Variants in WIPF1 observed in about 807,000 individuals in gnomAD.
WIPF1 encodes WAS/WASL-interacting protein family member 1.
WIPF1 carries 13 observed loss-of-function variants against 35.4 expected under a neutral mutation model. The observed-to-expected ratio is 0.37, with a 90% confidence interval of 0.24 to 0.58. The LOEUF (loss-of-function observed/expected upper bound fraction) is 0.58. Ranked by LOEUF, WIPF1 falls within the 20% of genes least tolerant of loss-of-function variation. The probability of loss-of-function intolerance (pLI) is 0.74; values close to 1 mark genes in which losing one functional copy is unlikely to be tolerated. For missense variants in WIPF1, 591 were observed against 667.0 expected (o/e 0.89, Z 1.25); for synonymous variants, 267 against 266.3 (o/e 1.00, Z -0.02).
chr2:174,562,650 T>C, intron 7 of WIPF1, 48 bp from the exon 8 acceptor site: 1 of 1,607,528 alleles, frequency 6.2e-7, no homozygotes, highest in Non-Finnish European at 8.5e-7. Context: ...AAAGCTGATG[T>C]TCTCATCGTG....
At chr2:174,654,561 C>A (rs1340724104) in intron 1 of WIPF1, among the ~76,000 whole-genome samples, 3 of 151,198 alleles carry the variant, frequency 2.0e-5, no homozygotes, top group Admixed American at 2.0e-4. Context: ...TGCTACAGGC[C>A]ATAGCTTGTG....
At chr2:174,592,682 T>G (rs916939386) in intron 1 of WIPF1, among the ~76,000 whole-genome samples, 9 of 151,220 alleles carry the variant, frequency 6.0e-5, no homozygotes, top group African/African-American at 2.2e-4. Context: ...CTTGGCTCAC[T>G]GCAACCTCCA....
Position 174,567,203 on chromosome 2 carries a change from G to GT in WIPF1, c.1343-21dup. On this transcript the variant is annotated intron_variant, in intron 6 of 7. Coordinates refer to ENST00000679041, the MANE Select transcript of WIPF1 (RefSeq NM_001375834.1). ...ACTCATCTGGGAAGAGAAACAAGCA[G>GT]TATCTTCAGTGACAGACAATGTGCT... 1 of 1,602,278 alleles carries GT rather than the reference G, an allele frequency of 6.2e-7. No individual in the cohort carries two copies. Among genetic ancestry groups the GT allele is most frequent in the Non-Finnish European group, 8.6e-7 (1 of 1,169,288 alleles).
chr2:174,627,421 C>A (rs1036280673), intron 1 of WIPF1, among the ~76,000 whole-genome samples: 1 of 151,342 alleles, frequency 6.6e-6, no homozygotes, highest in East Asian at 1.9e-4. Flanking sequence ...TTTCTTCTTT[C>A]CTTCTTTCTT....
chr2:174,604,582 G>GAA (rs59992744), intron 1 of WIPF1, among the ~76,000 whole-genome samples: 168 of 151,524 alleles, frequency 1.1e-3, no homozygotes, highest in African/African-American at 3.8e-3. Context: ...TAAAATAGTG[G>GAA]AAAAAAAACT....
intron 7 of WIPF1, among the ~76,000 whole-genome samples, chr2:174,563,943 A>G (rs564496016): frequency 2.6e-5 from 4 of 152,236 alleles, no homozygotes; most frequent in East Asian, 1.9e-4. Flanking sequence ...CACCATCCCA[A>G]CCAAATATTT....
At chr2:174,617,875 C>G (rs1316414743) in intron 1 of WIPF1, among the ~76,000 whole-genome samples, 2 of 152,188 alleles carry the variant, frequency 1.3e-5, no homozygotes. Context: ...GCAATGTGAC[C>G]TGATGCAGAG....
At position 174,581,583 on chromosome 2, in the gene WIPF1, C is replaced by G. The variant is rs143328909; in HGVS notation, c.52-144G>C. The G allele has an allele frequency of 6.7e-5, 66 of 980,024 alleles. 2 individuals carry two copies. In the African/African-American group the frequency reaches 9.1e-4, roughly 13 times the overall value. 60.7% of individuals were successfully genotyped at this position (980,024 alleles called of 1,614,324 possible). On this transcript the variant is annotated intron_variant, in intron 2 of 7. Coordinates refer to ENST00000679041, the MANE Select transcript of WIPF1 (RefSeq NM_001375834.1). ...GTAAATTCTCGACAAGTTTTAGACC[C>G]CATATCTTTCTTTTTAAGATCCAGA...
chr2:174,646,295 A>G (rs1322086309), intron 1 of WIPF1, among the ~76,000 whole-genome samples: 1 of 152,186 alleles, frequency 6.6e-6, no homozygotes, highest in Non-Finnish European at 1.5e-5. Flanking sequence ...TTAGGAGCAC[A>G]TCAAACGGGG....
At chr2:174,610,731 T>G (rs1686314952) in intron 1 of WIPF1, among the ~76,000 whole-genome samples, 1 of 152,172 alleles carries the variant, frequency 6.6e-6, no homozygotes, top group Admixed American at 6.5e-5. Context: ...GAACTGTGGC[T>G]AAGGTCAACG....
intron 1 of WIPF1, chr2:174,634,607 T>A (rs1037276200): frequency 6.6e-6 from 1 of 152,244 alleles, no homozygotes; most frequent in Admixed American, 6.5e-5. Context: ...GCATGTGACA[T>A]TATACTTCCT....
At chr2:174,634,702 C>G (rs1205453584) in intron 1 of WIPF1, 5 of 152,214 alleles carry the variant, frequency 3.3e-5, no homozygotes, top group East Asian at 1.9e-4. Flanking sequence ...ATGGGGGTAA[C>G]CCTGTGTCTG....
In WIPF1 at chr2:174,648,602, T is replaced by C. The variant is rs115169021; in HGVS notation, c.-39+34172A>G. On this transcript the variant is annotated intron_variant, in intron 1 of 8. Coordinates refer to the WIPF1 transcript ENST00000272746. ...TTAATAAACTCTACTTCTTTTATTA[T>C]TGGAAAATTAGCAACATGAACTGTA... Among the ~76,000 whole-genome samples, 1,165 of 152,342 alleles carry C rather than the reference T, an allele frequency of 7.6e-3. 25 individuals are homozygous for C. The highest frequency in any genetic ancestry group is 0.027 in the African/African-American group (1,117 of 41,574).
At position 174,579,260 on chromosome 2, in the gene WIPF1, C is replaced by G. The variant is rs535086061; in HGVS notation, c.181+2050G>C. Reference sequence around the variant, plus strand: ...GCCTCAGGTGATCGACTTGCCTCAGCCTCCCAAAGTGCTGGGATTACAGGT... The same window carrying G: ...GCCTCAGGTGATCGACTTGCCTCAGGCTCCCAAAGTGCTGGGATTACAGGT... On this transcript the variant is annotated intron_variant, in intron 3 of 7. Transcript: ENST00000679041. 9.8e-5 allele frequency among the ~76,000 whole-genome samples: 15 copies of G among 152,330 alleles called. No individual in the cohort carries two copies. In the East Asian group the frequency reaches 2.9e-3, roughly 29 times the overall value.
At chr2:174,605,074 G>A (rs1170382235) in intron 1 of WIPF1, among the ~76,000 whole-genome samples, 2 of 152,226 alleles carry the variant, frequency 1.3e-5, no homozygotes, top group Non-Finnish European at 2.9e-5. Flanking sequence ...TATAGACGTG[G>A]AGACTGAGCA....
At chr2:174,669,308 T>C (rs1193514309) in intron 1 of WIPF1, among the ~76,000 whole-genome samples, 2 of 152,230 alleles carry the variant, frequency 1.3e-5, no homozygotes, top group East Asian at 1.9e-4. Context: ...CATAATTCCA[T>C]TGGCCTCCAA....
chr2:174,658,511 A>G (rs1687692579), intron 1 of WIPF1, among the ~76,000 whole-genome samples: 1 of 152,202 alleles, frequency 6.6e-6, no homozygotes, highest in Non-Finnish European at 1.5e-5. Context: ...CTTAGGGAGA[A>G]GGGAAACAAG....
intron 1 of WIPF1, among the ~76,000 whole-genome samples, chr2:174,614,867 G>C (rs1686460169): frequency 6.6e-6 from 1 of 152,194 alleles, no homozygotes; most frequent in African/African-American, 2.4e-5. Flanking sequence ...CCAATGTTGA[G>C]ATTAAGTTTT....
chr2:174,571,268 T>G lies in WIPF1; in HGVS notation c.1129+408A>C. On this transcript the variant is annotated intron_variant, in intron 5 of 7. Transcript: ENST00000679041. This position sits in a 1 kb window ranked among gnomAD's most constrained non-coding sequence, Gnocchi z 4.6. ...AGAAGTTCATTAGCTCTTGAAGAAC[T>G]TCCCCTCTTGTTGGAATAACAGAGC... is the stretch of plus-strand genomic sequence containing the variant. 2.5e-6 allele frequency: 1 copy of G among 403,280 alleles called. No individual in the cohort carries two copies. The highest frequency in any genetic ancestry group is 3.2e-5 in the South Asian group (1 of 31,270). The allele number at this position is 403,280 out of a possible 1,614,324, so 25.0% of individuals were successfully genotyped here.
Sources: allele counts gnomAD v4.1 joint callset (sites outside exome capture counted in the v4.1 genomes callset), GRCh38; gene constraint gnomAD v4.1.1; non-coding constraint Gnocchi (gnomAD v3.1); transcripts MANE v1.5; gene names NCBI Gene and HGNC (gene_info 2026-07-23, HGNC 2026-07-21).